The following GABRG3 variants were observed in gnomAD, a reference collection of about 807,000 sequenced individuals.
The protein encoded by GABRG3 is gamma-aminobutyric acid receptor subunit gamma-3.
GABRG3 carries 25 observed loss-of-function variants against 48.8 expected under a neutral mutation model. The ratio of observed to expected loss-of-function variants is 0.51; its 90% CI spans 0.37 to 0.72. GABRG3 has a LOEUF of 0.72. Among genes scored for constraint, GABRG3 ranks in the 30% least tolerant of loss-of-function variants. The pLI, the probability that GABRG3 is intolerant of heterozygous loss-of-function variation, is 0.00. For synonymous variants in GABRG3, 227 were observed against 217.6 expected (o/e 1.04, Z -0.38); for missense variants, 394 against 577.9 (o/e 0.68, Z 3.26).
At chr15:27,081,684 A>T (rs954700322) in intron 3 of GABRG3, among the ~76,000 whole-genome samples, 6 of 152,264 alleles carry the variant, frequency 3.9e-5, no homozygotes, top group African/African-American at 1.4e-4. Context: ...GGCAGGCAGG[A>T]CCGAGTCCCC....
At chr15:27,386,844 C>T (rs1354402843) in intron 5 of GABRG3, among the ~76,000 whole-genome samples, 2 of 152,212 alleles carry the variant, frequency 1.3e-5, no homozygotes, top group African/African-American at 4.8e-5. Context: ...CCAAGTTCTT[C>T]ACACAGATAC....
At chr15:27,165,632 A>C (rs999071417) in intron 3 of GABRG3, among the ~76,000 whole-genome samples, 9 of 151,956 alleles carry the variant, frequency 5.9e-5, no homozygotes, top group Non-Finnish European at 1.2e-4. Flanking sequence ...GTGCTCTAGC[A>C]TTCTGTCTCC....
chr15:27,020,651 T>A (rs1475720492), intron 2 of GABRG3, among the ~76,000 whole-genome samples: 3 of 152,026 alleles, frequency 2.0e-5, no homozygotes, highest in Non-Finnish European at 4.4e-5. Flanking sequence ...TCTCCCGACC[T>A]CGTGATCCGC....
chr15:27,287,619 G>A (rs929808771), intron 3 of GABRG3, among the ~76,000 whole-genome samples: 2 of 152,076 alleles, frequency 1.3e-5, no homozygotes, highest in Admixed American at 6.6e-5. Context: ...ATGAATGAAG[G>A]AAGGTTTTTC....
intron 5 of GABRG3, among the ~76,000 whole-genome samples, chr15:27,380,038 T>C (rs1895718989): frequency 6.6e-6 from 1 of 152,162 alleles, no homozygotes; most frequent in Non-Finnish European, 1.5e-5. Flanking sequence ...ATTTTATAAT[T>C]ATCCGATGGT....
At chr15:27,417,802 G>A (rs1887986764) in intron 5 of GABRG3, among the ~76,000 whole-genome samples, 1 of 152,198 alleles carries the variant, frequency 6.6e-6, no homozygotes, top group Non-Finnish European at 1.5e-5. Flanking sequence ...CCAGGTGCCT[G>A]TCACTGATAT....
intron 3 of GABRG3, among the ~76,000 whole-genome samples, chr15:27,086,252 T>C (rs1356657500): frequency 6.6e-6 from 1 of 152,076 alleles, no homozygotes; most frequent in African/African-American, 2.4e-5. Context: ...GAAGGGTCAC[T>C]GGTGGAAGAA....
chr15:26,972,061 T>C (rs1052877658), intron 1 of GABRG3, among the ~76,000 whole-genome samples: 1 of 151,490 alleles, frequency 6.6e-6, no homozygotes, highest in Non-Finnish European at 1.5e-5. Flanking sequence ...AGCTAATGCA[T>C]TGGAGGCAGG....
At chr15:27,165,023 G>A (rs1223035197) in intron 3 of GABRG3, among the ~76,000 whole-genome samples, 1 of 152,206 alleles carries the variant, frequency 6.6e-6, no homozygotes, top group South Asian at 2.1e-4. Context: ...TCATATAAAT[G>A]TTGTCCAAGA....
At chr15:27,159,500 C>G (rs1021665891) in intron 3 of GABRG3, among the ~76,000 whole-genome samples, 1 of 151,960 alleles carries the variant, frequency 6.6e-6, no homozygotes, top group Non-Finnish European at 1.5e-5. Context: ...AAAAGTGCAG[C>G]TCCCTCCATC....
At chr15:27,142,114 AT>A (rs1898114641) in intron 3 of GABRG3, among the ~76,000 whole-genome samples, 1 of 152,208 alleles carries the variant, frequency 6.6e-6, no homozygotes, top group South Asian at 2.1e-4. Flanking sequence ...ACAATTTATA[AT>A]TTCATAATGG....
chr15:27,130,291 C>T (rs750895735), intron 3 of GABRG3, among the ~76,000 whole-genome samples: 13 of 152,058 alleles, frequency 8.5e-5, no homozygotes, highest in African/African-American at 2.7e-4. Context: ...TTTTCAACAC[C>T]CTTGTGGAAA....
chr15:27,011,847 CAA>C (rs10605771), intron 2 of GABRG3, among the ~76,000 whole-genome samples: 3,924 of 123,462 alleles, frequency 0.032, 159 homozygotes, highest in African/African-American at 0.1. Flanking sequence ...GACTCCGTCT[CAA>C]AAAAAAAAAA....
chr15:27,384,566 T>C (rs1442344962), intron 5 of GABRG3, among the ~76,000 whole-genome samples: 1 of 152,228 alleles, frequency 6.6e-6, no homozygotes, highest in Admixed American at 6.5e-5. Context: ...TTAATTCATG[T>C]TCTAGATAAA....
chr15:27,329,425 C>T (rs985011858), intron 5 of GABRG3, among the ~76,000 whole-genome samples: 1 of 152,072 alleles, frequency 6.6e-6, no homozygotes. Context: ...CTACCACACC[C>T]AGCTAACTTT....
At chr15:27,483,663 A>G (rs770782532) in intron 6 of GABRG3, among the ~76,000 whole-genome samples, 21 of 152,170 alleles carry the variant, frequency 1.4e-4, no homozygotes, top group Non-Finnish European at 2.1e-4. Context: ...CTCTGGGTGA[A>G]TCTGATGATG....
rs370166733 is a variant in GABRG3, at chr15:27,295,825, AG to A, written c.271-30979del. 4.2e-4 allele frequency among the ~76,000 whole-genome samples: 64 copies of A among 152,286 alleles called. No homozygotes were observed. The South Asian group carries it at 0.013, about 31-fold the overall frequency. On this transcript the variant is annotated intron_variant, in intron 3 of 9. Coordinates refer to ENST00000615808, the MANE Select transcript of GABRG3 (RefSeq NM_033223.5). ...ATGCACCCTGAGTCCCACTCCTAAA[AG>A]GGGGAAAGGGTAAGTGTGATCTAGG...
chr15:27,315,192 A>G (rs1176468270), intron 3 of GABRG3, among the ~76,000 whole-genome samples: 2 of 152,208 alleles, frequency 1.3e-5, no homozygotes, highest in African/African-American at 2.4e-5. Context: ...AGAAAAGCAA[A>G]CTATAAGGTG....
intron 3 of GABRG3, among the ~76,000 whole-genome samples, chr15:27,204,262 A>C (rs1355181782): frequency 6.6e-6 from 1 of 152,102 alleles, no homozygotes; most frequent in Non-Finnish European, 1.5e-5. Context: ...AATCTTCTGC[A>C]TGTGGCTAGC....
Sources: allele counts gnomAD v4.1 joint callset (sites outside exome capture counted in the v4.1 genomes callset), GRCh38; gene constraint gnomAD v4.1.1; transcripts MANE v1.5; gene names NCBI Gene and HGNC (gene_info 2026-07-23, HGNC 2026-07-21).